Variants in RORA observed in about 807,000 individuals in gnomAD.
RORA encodes the protein RAR related orphan receptor A, also known as nuclear receptor ROR-alpha.
Under a neutral mutation model 69.5 loss-of-function variants are expected in RORA, and 7 were observed. That is an observed-to-expected ratio of 0.10 (90% CI 0.06 to 0.19). The LOEUF (loss-of-function observed/expected upper bound fraction) is 0.19. RORA is among the 10% of genes least tolerant of loss of function. The probability of loss-of-function intolerance (pLI) is 1.00; values close to 1 mark genes in which losing one functional copy is unlikely to be tolerated. For synonymous variants in RORA, 261 were observed against 240.8 expected (o/e 1.08, Z -0.78); for missense variants, 457 against 663.0 (o/e 0.69, Z 3.41).
At chr15:61,206,207 G>A (rs959750370) in intron 1 of RORA, among the ~76,000 whole-genome samples, 1 of 152,104 alleles carries the variant, frequency 6.6e-6, no homozygotes, top group African/African-American at 2.4e-5. Flanking sequence ...TCAGCCCCTA[G>A]TGCAGTGCCT....
chr15:60,930,158 T>C (rs2140499100), intron 1 of RORA, among the ~76,000 whole-genome samples: 1 of 152,318 alleles, frequency 6.6e-6, no homozygotes, highest in Middle Eastern at 3.4e-3. Context: ...GCTACCATTT[T>C]AGATGGTAGA....
rs767199856 is a variant in RORA, at chr15:60,928,693, T to TTTA, written c.167-250008_167-250007insTAA. Among the ~76,000 whole-genome samples the TTTA allele has an allele frequency of 6.2e-4, 94 of 152,308 alleles. 1 individual carries two copies. The highest frequency in any genetic ancestry group is 9.3e-4 in the Non-Finnish European group (63 of 68,026). ...GCATCTGAAGCTCAGAGAGACAAAG[T>TTTA]GACCGCCCTAAAGTCCCACAGCATG... On this transcript the variant is annotated intron_variant, in intron 1 of 10. Transcript: ENST00000335670.
At chr15:60,931,990 CCTG>C (rs1892386437) in intron 1 of RORA, among the ~76,000 whole-genome samples, 1 of 151,936 alleles carries the variant, frequency 6.6e-6, no homozygotes, top group African/African-American at 2.4e-5. Flanking sequence ...CAATTCTAAT[CCTG>C]AATTCTCAAA....
chr15:61,227,371 GCGGCAGGTC>G (rs1479839982), intron 1 of RORA, among the ~76,000 whole-genome samples: 1 of 152,146 alleles, frequency 6.6e-6, no homozygotes, highest in African/African-American at 2.4e-5. Context: ...CACCGAGCTA[GCGGCAGGTC>G]CAGGCCCCCA....
At chr15:60,862,460 C>T (rs989512530) in intron 1 of RORA, among the ~76,000 whole-genome samples, 18 of 152,206 alleles carry the variant, frequency 1.2e-4, no homozygotes, top group Admixed American at 2.6e-4. Context: ...GAGTATCAGA[C>T]CAGACTATCT....
intron 1 of RORA, among the ~76,000 whole-genome samples, chr15:61,033,295 G>A (rs1896272511): frequency 6.6e-6 from 1 of 151,918 alleles, no homozygotes; most frequent in South Asian, 2.1e-4. Context: ...TAGTCCAAAT[G>A]TTCCCTCTGT....
At chr15:61,197,763 A>G (rs1168119453) in intron 1 of RORA, among the ~76,000 whole-genome samples, 1 of 152,200 alleles carries the variant, frequency 6.6e-6, no homozygotes, top group African/African-American at 2.4e-5. Context: ...CCATCCAAAA[A>G]GACCTGGTGA....
chr15:61,091,815 A>G (rs1374988301), intron 1 of RORA, among the ~76,000 whole-genome samples: 2 of 152,212 alleles, frequency 1.3e-5, no homozygotes, highest in Non-Finnish European at 2.9e-5. Context: ...GTGTATTCAT[A>G]GGCAAGGGAA....
chr15:60,763,805 G>A (rs183761619), intron 1 of RORA: 4 of 152,350 alleles, frequency 2.6e-5, no homozygotes, highest in African/African-American at 9.6e-5. Flanking sequence ...ACCTCCGGAG[G>A]CTTTTATTTT....
At chr15:60,920,575 A>G (rs1033330688) in intron 1 of RORA, among the ~76,000 whole-genome samples, 2 of 152,182 alleles carry the variant, frequency 1.3e-5, no homozygotes, top group African/African-American at 4.8e-5. Context: ...GGGCACTAAG[A>G]TATGACAGAT....
chr15:61,009,135 G>A (rs1895011290), intron 1 of RORA, among the ~76,000 whole-genome samples: 1 of 152,228 alleles, frequency 6.6e-6, no homozygotes, highest in Non-Finnish European at 1.5e-5. Context: ...ATCACTTTGA[G>A]TATTAACAGC....
chr15:60,676,400 A>T (rs2070553166), intron 2 of RORA, among the ~76,000 whole-genome samples: 1 of 152,216 alleles, frequency 6.6e-6, no homozygotes, highest in Admixed American at 6.5e-5. Context: ...GTTTTGTGTC[A>T]ACTGTGTTTT....
intron 1 of RORA, among the ~76,000 whole-genome samples, chr15:61,058,872 G>T (rs2078132359): frequency 6.6e-6 from 1 of 152,212 alleles, no homozygotes; most frequent in South Asian, 2.1e-4. Flanking sequence ...CACAAAAGGG[G>T]TGGTCAGTAA....
intron 2 of RORA, among the ~76,000 whole-genome samples, chr15:60,672,343 A>G (rs2070486412): frequency 1.3e-5 from 2 of 152,186 alleles, no homozygotes; most frequent in East Asian, 3.8e-4. Context: ...TCTTCATTTT[A>G]AAAGCATTTA....
chr15:60,693,146 A>G (rs1404963957), intron 1 of RORA, among the ~76,000 whole-genome samples: 2 of 152,242 alleles, frequency 1.3e-5, no homozygotes. Flanking sequence ...CTGGTTCAAC[A>G]TGTGCAAATC....
chr15:60,663,446 C>CA (rs1328863534), intron 2 of RORA, among the ~76,000 whole-genome samples: 1 of 152,116 alleles, frequency 6.6e-6, no homozygotes, highest in African/African-American at 2.4e-5. Context: ...GGTAATGGTA[C>CA]AAAATGAGAC....
chr15:60,511,563 C>T lies in RORA; in HGVS notation c.483G>A (p.Gln161=). Residue 161 remains glutamine (Q), a synonymous_variant, in exon 5 of 11, where the codon CAG becomes CAA. Coordinates refer to ENST00000335670, the MANE Select transcript of RORA (RefSeq NM_134261.3). This position sits in a 1 kb window ranked among gnomAD's most constrained non-coding sequence, Gnocchi z 6.4. ...GCTGCTGCTGCTGCATCCGGTGTTT[C>T]TGTACTTCTGCATACAAGCTGTCTC... The part of the protein sequence containing the change: ...KQRDSLYAEV[Q]KHRMQQQQRD... The T allele has an allele frequency of 6.2e-7, 1 of 1,614,054 alleles. No homozygotes were observed. Among genetic ancestry groups the T allele is most frequent in the African/African-American group, 1.3e-5 (1 of 75,024 alleles).
At chr15:61,069,013 C>T (rs1173248253) in intron 1 of RORA, among the ~76,000 whole-genome samples, 1 of 152,204 alleles carries the variant, frequency 6.6e-6, no homozygotes, top group Non-Finnish European at 1.5e-5. Context: ...TAATCATCCA[C>T]CTTTCTAGCA....
At chr15:60,883,434 C>T (rs2073714655) in intron 1 of RORA, among the ~76,000 whole-genome samples, 2 of 152,080 alleles carry the variant, frequency 1.3e-5, no homozygotes, top group African/African-American at 4.8e-5. Context: ...CAAATATATG[C>T]AAATGATGGA....
Sources: allele counts gnomAD v4.1 joint callset (sites outside exome capture counted in the v4.1 genomes callset), GRCh38; gene constraint gnomAD v4.1.1; non-coding constraint Gnocchi (gnomAD v3.1); transcripts MANE v1.5; gene names NCBI Gene and HGNC (gene_info 2026-07-23, HGNC 2026-07-21).